ROBO2: variants seen among roughly 807,000 people sequenced by gnomAD.
The protein encoded by ROBO2 is roundabout guidance receptor 2, also known as roundabout homolog 2.
ROBO2 carries 53 observed loss-of-function variants against 160.8 expected under a neutral mutation model. The observed-to-expected ratio is 0.33, with a 90% CI of 0.26 to 0.41. The LOEUF is 0.41. ROBO2 is among the 10% of genes least tolerant of loss of function. The pLI, the probability that ROBO2 is intolerant of heterozygous loss-of-function variation, is 1.00. For missense variants in ROBO2, 1,577 were observed against 1,722.4 expected (o/e 0.92, Z 1.49); for synonymous variants, 664 against 611.7 (o/e 1.09, Z -1.26).
chr3:76,626,075 A>T (rs2089621332), intron 2 of ROBO2, among the ~76,000 whole-genome samples: 1 of 152,230 alleles, frequency 6.6e-6, no homozygotes, highest in African/African-American at 2.4e-5. Flanking sequence ...AGTTTGGATG[A>T]TAGATCTAAT....
intron 2 of ROBO2, among the ~76,000 whole-genome samples, chr3:76,491,881 G>A (rs2079844016): frequency 6.6e-6 from 1 of 152,082 alleles, no homozygotes; most frequent in Non-Finnish European, 1.5e-5. Context: ...GATCACCTGG[G>A]TTCAGGAGTT....
intron 2 of ROBO2, among the ~76,000 whole-genome samples, chr3:76,875,602 G>T (rs557323848): frequency 6.6e-6 from 1 of 152,062 alleles, no homozygotes; most frequent in Non-Finnish European, 1.5e-5. Flanking sequence ...TTGGCTGATA[G>T]CCACTTTACT....
At chr3:76,492,821 T>G (rs2079908780) in intron 2 of ROBO2, among the ~76,000 whole-genome samples, 1 of 152,156 alleles carries the variant, frequency 6.6e-6, no homozygotes, top group African/African-American at 2.4e-5. Flanking sequence ...AGAACACGAC[T>G]GAATGACTTC....
chr3:76,563,305 A>C (rs1307916298), intron 2 of ROBO2, among the ~76,000 whole-genome samples: 1 of 152,200 alleles, frequency 6.6e-6, no homozygotes, highest in African/African-American at 2.4e-5. Context: ...CGATTAATAT[A>C]TTAATGGATT....
At chr3:77,119,938 C>T (rs1229897046) in intron 2 of ROBO2, among the ~76,000 whole-genome samples, 1 of 152,142 alleles carries the variant, frequency 6.6e-6, no homozygotes, top group Non-Finnish European at 1.5e-5. Context: ...TACTGCCTTC[C>T]TTCTAATGTT....
intron 2 of ROBO2, among the ~76,000 whole-genome samples, chr3:76,204,195 AT>A (rs922045989): frequency 2.0e-5 from 3 of 152,086 alleles, no homozygotes; most frequent in African/African-American, 7.2e-5. Flanking sequence ...ATTCTTATCT[AT>A]TTTTTTCAAC....
intron 2 of ROBO2, among the ~76,000 whole-genome samples, chr3:76,282,680 A>G (rs1708292046): frequency 6.6e-6 from 1 of 151,946 alleles, no homozygotes; most frequent in Non-Finnish European, 1.5e-5. Flanking sequence ...ATTTTCATAA[A>G]TACCAGATTG....
chr3:76,276,464 T>C (rs978585392), intron 2 of ROBO2, among the ~76,000 whole-genome samples: 1 of 152,052 alleles, frequency 6.6e-6, no homozygotes, highest in Non-Finnish European at 1.5e-5. Context: ...ATATAGAACT[T>C]CTATCAAACT....
At chr3:76,956,359 C>A (rs2079256198) in intron 2 of ROBO2, among the ~76,000 whole-genome samples, 1 of 151,934 alleles carries the variant, frequency 6.6e-6, no homozygotes, top group Admixed American at 6.6e-5. Flanking sequence ...AGATTGAGAC[C>A]ATCCTGGCTA....
At chr3:77,123,975 A>G (rs1022764498) in intron 2 of ROBO2, among the ~76,000 whole-genome samples, 41 of 150,660 alleles carry the variant, frequency 2.7e-4, no homozygotes, top group African/African-American at 9.9e-4. Flanking sequence ...TAATCTATCT[A>G]TATAGATATA....
chr3:77,432,112 TC>T (rs2078834506), intron 2 of ROBO2, among the ~76,000 whole-genome samples: 6 of 152,118 alleles, frequency 3.9e-5, no homozygotes, highest in Admixed American at 3.9e-4. Flanking sequence ...TGGAATAAAA[TC>T]TTTGGGATTT....
chr3:76,718,075 A>G (rs1319072483), intron 2 of ROBO2, among the ~76,000 whole-genome samples: 1 of 152,230 alleles, frequency 6.6e-6, no homozygotes, highest in Non-Finnish European at 1.5e-5. Context: ...ATGGTAGTCC[A>G]TCATTCCCTA....
At chr3:77,145,081 A>G (rs1220240866) in intron 2 of ROBO2, among the ~76,000 whole-genome samples, 3 of 152,168 alleles carry the variant, frequency 2.0e-5, no homozygotes, top group Non-Finnish European at 4.4e-5. Flanking sequence ...TCAAATTGAA[A>G]TGAATAAAGT....
At chr3:77,340,206 G>T (rs968301758) in intron 2 of ROBO2, among the ~76,000 whole-genome samples, 1 of 152,054 alleles carries the variant, frequency 6.6e-6, no homozygotes, top group Admixed American at 6.6e-5. Flanking sequence ...TCTTTGTCAT[G>T]AATGGTAACG....
chr3:76,553,710 C>T (rs1178615148), intron 2 of ROBO2, among the ~76,000 whole-genome samples: 1 of 152,122 alleles, frequency 6.6e-6, no homozygotes, highest in Non-Finnish European at 1.5e-5. Flanking sequence ...TAAGAGCTTT[C>T]TGTTTCATGT....
rs567774012 is a variant in ROBO2 at position 77,105,617 on chromosome 3, C to T, written c.388+7277C>T. ...GTGTGAAATTGCTACACCTGGGGAA[C>T]GTGTATGAATTTGTGATCTATTTAA... On this transcript the variant is annotated intron_variant, in intron 2 of 25. Transcript: ENST00000461745. Among the ~76,000 whole-genome samples the T allele has an allele frequency of 9.0e-4, 137 of 152,228 alleles. 1 individual carries two copies. The highest frequency in any genetic ancestry group is 2.3e-3 in the African/African-American group (96 of 41,540).
At chr3:77,200,090 AT>A (rs1417874840) in intron 2 of ROBO2, among the ~76,000 whole-genome samples, 8 of 151,030 alleles carry the variant, frequency 5.3e-5, no homozygotes, top group Non-Finnish European at 4.4e-5. Flanking sequence ...ATAAGTATGT[AT>A]AAAAACGACA....
At chr3:76,033,970 G>A (rs920981716) in intron 2 of ROBO2, among the ~76,000 whole-genome samples, 5 of 152,176 alleles carry the variant, frequency 3.3e-5, no homozygotes, top group African/African-American at 1.2e-4. Context: ...AAAAGTCCTA[G>A]AACATAACTT....
chr3:75,923,714 T>C (rs1224641859), intron 1 of ROBO2, among the ~76,000 whole-genome samples: 1 of 152,156 alleles, frequency 6.6e-6, no homozygotes, highest in African/African-American at 2.4e-5. Flanking sequence ...AATGAGTATA[T>C]GCTTTAAAAA....
Sources: gnomAD v4.1 joint callset for allele counts (sites outside exome capture counted in the v4.1 genomes callset) on GRCh38, gnomAD v4.1.1 for gene constraint, MANE v1.5 for transcripts, NCBI Gene and HGNC (gene_info 2026-07-23, HGNC 2026-07-21) for gene names.